Variants in SRFBP1 observed in about 807,000 individuals in gnomAD.
The protein encoded by SRFBP1 is serum response factor-binding protein 1.
SRFBP1 carries 47 observed loss-of-function variants against 45.5 expected under a neutral mutation model. The ratio of observed to expected loss-of-function variants is 1.03; its 90% CI spans 0.82 to 1.32. SRFBP1 has a LOEUF of 1.32. Ranked by LOEUF, SRFBP1 falls within the 40% of genes most tolerant of loss-of-function variation. The pLI is 0.00. For missense variants in SRFBP1, 621 were observed against 484.6 expected, an observed-to-expected ratio of 1.28 and a Z score of -2.64; for synonymous variants, 203 against 166.3, an observed-to-expected ratio of 1.22 and a Z score of -1.70.
chr5:122,031,057 C>G (rs1316053598), downstream of SRFBP1, among the ~76,000 whole-genome samples: 1 of 152,150 alleles, frequency 6.6e-6, no homozygotes, highest in Non-Finnish European at 1.5e-5. Context: ...AAGCTGTTAA[C>G]TTGTGGCTAA....
chr5:122,023,069 A>G (rs910823833), intron 7 of SRFBP1, among the ~76,000 whole-genome samples: 18 of 152,218 alleles, frequency 1.2e-4, no homozygotes, highest in African/African-American at 4.3e-4. Flanking sequence ...GGTGTTTGTG[A>G]GCAAGGCCTG....
At chr5:122,050,930 TAG>T (rs1254077423) in intron 2 of SRFBP1, among the ~76,000 whole-genome samples, 2 of 152,160 alleles carry the variant, frequency 1.3e-5, no homozygotes, top group African/African-American at 2.4e-5. Context: ...ATCTGTGTCC[TAG>T]AGATTCTAGT....
chr5:122,070,584 C>T, intron 2 of SRFBP1: 1 of 1,571,242 alleles, frequency 6.4e-7, no homozygotes, highest in African/African-American at 1.4e-5. Flanking sequence ...AGCCAGGACT[C>T]AATCCCTAAG....
chr5:122,002,125 T>G lies in SRFBP1; in HGVS notation c.270+7455T>G, dbSNP rs552869810. 9.8e-5 allele frequency among the ~76,000 whole-genome samples: 15 copies of G among 152,334 alleles called. No individual in the cohort carries two copies. In the South Asian group the frequency reaches 2.9e-3, roughly 29 times the overall value. ...ATACAATCACATTTAATTTTTAATA[T>G]TCGCAACTCTAGTGGAGGAGTTTTG... On this transcript the variant is annotated intron_variant, in intron 4 of 7. Transcript: ENST00000339397.
intron 4 of SRFBP1, among the ~76,000 whole-genome samples, chr5:122,003,750 A>T (rs1025445460): frequency 1.3e-5 from 2 of 152,132 alleles, no homozygotes; most frequent in African/African-American, 4.8e-5. Context: ...TGTAGTAGCC[A>T]TTCTTATGGG....
chr5:122,041,656 T>C (rs1021547897), intron 2 of SRFBP1, among the ~76,000 whole-genome samples: 3 of 152,122 alleles, frequency 2.0e-5, no homozygotes, highest in Non-Finnish European at 4.4e-5. Context: ...TCCTATATAC[T>C]GATAATTTTC....
intron 3 of SRFBP1, among the ~76,000 whole-genome samples, chr5:121,990,163 A>G (rs1561582131): frequency 6.6e-6 from 1 of 152,308 alleles, no homozygotes; most frequent in East Asian, 1.9e-4. Flanking sequence ...AAGACATGGA[A>G]TCAGTGCAGG....
chr5:121,976,161 A>T (rs116601375), intron 3 of SRFBP1, among the ~76,000 whole-genome samples: 2 of 152,066 alleles, frequency 1.3e-5, no homozygotes, highest in African/African-American at 4.8e-5. Context: ...TAAGTTATCA[A>T]AGATTCTCAG....
At chr5:121,988,579 C>T (rs1195793305) in intron 3 of SRFBP1, among the ~76,000 whole-genome samples, 2 of 152,218 alleles carry the variant, frequency 1.3e-5, no homozygotes, top group African/African-American at 4.8e-5. Context: ...GAAAGCTCAC[C>T]TGAGCCTAGG....
chr5:122,048,054 T>C (rs1753897140), intron 2 of SRFBP1, among the ~76,000 whole-genome samples: 1 of 152,194 alleles, frequency 6.6e-6, no homozygotes, highest in African/African-American at 2.4e-5. Context: ...TCCTGCCTGA[T>C]TGCCCTGCCC....
intron 4 of SRFBP1, among the ~76,000 whole-genome samples, chr5:122,006,332 G>C (rs1752974428): frequency 6.6e-6 from 1 of 151,972 alleles, no homozygotes. Context: ...TGCTGTCTTT[G>C]TCCTTGATTT....
At chr5:121,972,167 G>A (rs1045800233) in intron 1 of SRFBP1, among the ~76,000 whole-genome samples, 3 of 151,964 alleles carry the variant, frequency 2.0e-5, no homozygotes, top group African/African-American at 4.8e-5. Context: ...ATAATCCATA[G>A]TAGAGGTTCT....
chr5:122,061,447 A>C (rs957407111), intron 2 of SRFBP1, among the ~76,000 whole-genome samples: 9 of 150,580 alleles, frequency 6.0e-5, no homozygotes, highest in Non-Finnish European at 1.3e-4. Flanking sequence ...TCCCATAATT[A>C]AGAAACAAAC....
chr5:122,011,004 G>A (rs2112696067), intron 4 of SRFBP1, among the ~76,000 whole-genome samples: 1 of 152,132 alleles, frequency 6.6e-6, no homozygotes. Flanking sequence ...CAGCCAAATG[G>A]ACTGTTTGCT....
chr5:122,004,028 G>A (rs1055474471), intron 4 of SRFBP1, among the ~76,000 whole-genome samples: 9 of 152,018 alleles, frequency 5.9e-5, no homozygotes, highest in Non-Finnish European at 1.3e-4. Flanking sequence ...TCTACCTCCC[G>A]AGTTCAAGCG....
At chr5:122,018,334 T>G (rs1282076356) in intron 4 of SRFBP1, among the ~76,000 whole-genome samples, 1 of 152,150 alleles carries the variant, frequency 6.6e-6, no homozygotes, top group East Asian at 1.9e-4. Context: ...GTGAGAGGTG[T>G]TGGTGATTTA....
At chr5:121,997,457 G>T (rs1364892357) in intron 4 of SRFBP1, among the ~76,000 whole-genome samples, 2 of 151,830 alleles carry the variant, frequency 1.3e-5, no homozygotes, top group African/African-American at 2.4e-5. Flanking sequence ...AAACTGGCTA[G>T]CCATATGTAG....
chr5:122,008,060 A>G (rs532609248), intron 4 of SRFBP1, among the ~76,000 whole-genome samples: 1 of 152,158 alleles, frequency 6.6e-6, no homozygotes, highest in African/African-American at 2.4e-5. Context: ...ACAGGCTTGG[A>G]GGCTTAGTCT....
intron 2 of SRFBP1, chr5:122,066,323 A>C (rs1329265278): frequency 5.9e-6 from 1 of 169,282 alleles, no homozygotes; most frequent in Non-Finnish European, 1.3e-5. Context: ...GCTATGACAT[A>C]TATAAACCCA....
Sources: gnomAD v4.1 joint callset for allele counts (sites outside exome capture counted in the v4.1 genomes callset) on GRCh38, gnomAD v4.1.1 for gene constraint, MANE v1.5 for transcripts, NCBI Gene and HGNC (gene_info 2026-07-23, HGNC 2026-07-21) for gene names.